ITM2B: variants seen among roughly 807,000 people sequenced by gnomAD.
The protein encoded by ITM2B is ABri/ADan amyloid peptide.
A neutral mutation model predicts 27.8 loss-of-function variants in ITM2B; 11 were observed. The observed-to-expected ratio is 0.40, with a 90% CI of 0.25 to 0.66. The LOEUF (loss-of-function observed/expected upper bound fraction) is 0.66, where lower values mean the gene tolerates loss of function less well. ITM2B is among the 30% of genes least tolerant of loss of function. ITM2B has a pLI of 0.43. For missense variants in ITM2B, 296 were observed against 328.9 expected (o/e 0.90, Z 0.77); for synonymous variants, 114 against 114.3 (o/e 1.00, Z 0.02).
rs992716865 is a variant in ITM2B, at chr13:48,233,227, G to A, written c.-134G>A. 2.6e-5 allele frequency: 13 copies of A among 502,282 alleles called. No individual in the cohort carries two copies. The highest frequency in any genetic ancestry group is 4.2e-5 in the Non-Finnish European group (12 of 289,050). 31.1% of individuals were successfully genotyped at this position (502,282 alleles called of 1,614,324 possible). A position where few individuals can be genotyped will look rare whatever the true frequency, so the allele number is the denominator to read the frequency against. ...CCGCAGTAGCCGCCTCTGCCGCCGC[G>A]GAGCTTCCCGAACCTCTTCAGCCGC... is the stretch of plus-strand genomic sequence containing the variant. On this transcript the variant is annotated 5_prime_UTR_variant, in exon 1 of 6. Transcript: ENST00000647800.
In ITM2B at chr13:48,263,135, T is replaced by C. The variant is rs552937598; in HGVS notation, c.*1911T>C. 6.6e-6 allele frequency: 1 copy of C among 152,194 alleles called. No individual in the cohort carries two copies. Among genetic ancestry groups the C allele is most frequent in the African/African-American group, 2.4e-5 (1 of 41,444 alleles). 9.4% of individuals were successfully genotyped at this position (152,194 alleles called of 1,614,324 possible). Reference sequence around the variant, plus strand: ...TTACACTTTACTAAATGTAATTCTTTCATTTGAATTTTTAAAGGTTTTTGT... The same window carrying C: ...TTACACTTTACTAAATGTAATTCTTCCATTTGAATTTTTAAAGGTTTTTGT... On this transcript the variant is annotated 3_prime_UTR_variant, in exon 6 of 6. Coordinates refer to ENST00000647800, the MANE Select transcript of ITM2B (RefSeq NM_021999.5).
rs897204779 is a variant in ITM2B, at chr13:48,268,188, G to A, written c.*6964G>A. 7.2e-5 allele frequency: 11 copies of A among 152,106 alleles called. No individual in the cohort carries two copies. Among genetic ancestry groups the A allele is most frequent in the African/African-American group, 1.4e-4 (6 of 41,490 alleles). The allele number at this position is 152,106 out of a possible 1,614,324, so 9.4% of individuals were successfully genotyped here. On this transcript the variant is annotated 3_prime_UTR_variant, in exon 6 of 6. Transcript: ENST00000647800. Reference sequence around the variant, plus strand: ...TTTGGCTTTTAAAACTCAGTATAACGTTTTGACATTTGTCCATGTTGTTGC... The same window carrying A: ...TTTGGCTTTTAAAACTCAGTATAACATTTTGACATTTGTCCATGTTGTTGC...
chr13:48,262,857 G>T lies in ITM2B; in HGVS notation c.*1633G>T, dbSNP rs1016621475. 1.3e-5 allele frequency: 2 copies of T among 152,152 alleles called. No individual in the cohort carries two copies. The highest frequency in any genetic ancestry group is 2.9e-5 in the Non-Finnish European group (2 of 68,030). The allele number at this position is 152,152 out of a possible 1,614,324, so 9.4% of individuals were successfully genotyped here. On this transcript the variant is annotated 3_prime_UTR_variant, in exon 6 of 6. Transcript: ENST00000647800. The stretch of plus-strand genomic sequence containing the variant: ...GACTTTCAGAATGTGAAGTGCATGG[G>T]ATTAGGTCATGGAAGAAGACCATGT...
Position 48,264,344 on chromosome 13 carries a change from A to G in ITM2B, c.*3120A>G, listed in dbSNP as rs1951840374. 1 of 152,204 alleles carries G rather than the reference A, an allele frequency of 6.6e-6. No homozygotes were observed. Among genetic ancestry groups the G allele is most frequent in the Non-Finnish European group, 1.5e-5 (1 of 68,032 alleles). 9.4% of individuals were successfully genotyped at this position (152,204 alleles called of 1,614,324 possible). On this transcript the variant is annotated 3_prime_UTR_variant, in exon 6 of 6. Transcript: ENST00000647800. ...CACCCATATTAGTGAGAAGCAAGAA[A>G]AAAAAATGTACACAGTGTCCTAAAT...
At chr13:48,235,551 A>G (rs1285577582) in intron 1 of ITM2B, among the ~76,000 whole-genome samples, 4 of 152,236 alleles carry the variant, frequency 2.6e-5, no homozygotes, top group Non-Finnish European at 5.9e-5. Flanking sequence ...ATAATCAGTC[A>G]GTCGCTTAAC....
chr13:48,234,738 T>C (rs1336409180), intron 1 of ITM2B, among the ~76,000 whole-genome samples: 1 of 152,224 alleles, frequency 6.6e-6, no homozygotes, highest in Non-Finnish European at 1.5e-5. Context: ...CAGAGGTTGA[T>C]TTCTAAATGA....
Position 48,270,106 on chromosome 13 carries a change from A to G in ITM2B, c.*8882A>G, listed in dbSNP as rs1951876219. 1 of 152,178 alleles carries G rather than the reference A, an allele frequency of 6.6e-6. No individual in the cohort carries two copies. Among genetic ancestry groups the G allele is most frequent in the African/African-American group, 2.4e-5 (1 of 41,424 alleles). The allele number at this position is 152,178 out of a possible 1,614,324, so 9.4% of individuals were successfully genotyped here. ...CTGCTTCCCTTCCTTTAACCCTATC[A>G]TATTGCTGCCCAGTGAGCAATATGG... is the stretch of plus-strand genomic sequence containing the variant. On this transcript the variant is annotated 3_prime_UTR_variant, in exon 6 of 6. Transcript: ENST00000647800.
At position 48,261,417 on chromosome 13, in the gene ITM2B, T is replaced by G. The variant is rs1951822269; in HGVS notation, c.*193T>G. ...TTTTCTTTCGAAGTGTGGTGTCTTT[T>G]ATATTTGAATTAGTAACTGTATGAA... On this transcript the variant is annotated 3_prime_UTR_variant, in exon 6 of 6. Coordinates refer to ENST00000647800, the MANE Select transcript of ITM2B (RefSeq NM_021999.5). 1.9e-6 allele frequency: 1 copy of G among 517,742 alleles called. No individual in the cohort carries two copies. Among genetic ancestry groups the G allele is most frequent in the South Asian group, 2.6e-5 (1 of 38,360 alleles). 32.1% of individuals were successfully genotyped at this position (517,742 alleles called of 1,614,324 possible).
chr13:48,257,456 A>G (rs1231044054), intron 3 of ITM2B, among the ~76,000 whole-genome samples: 1 of 152,200 alleles, frequency 6.6e-6, no homozygotes, highest in African/African-American at 2.4e-5. Flanking sequence ...ACTCGAATAT[A>G]TTACTGAAGT....
In ITM2B at chr13:48,265,264, A is replaced by G. The variant is rs1320130530; in HGVS notation, c.*4040A>G. 2 of 152,190 alleles carry G rather than the reference A, an allele frequency of 1.3e-5. No individual in the cohort carries two copies. Among genetic ancestry groups the G allele is most frequent in the Non-Finnish European group, 2.9e-5 (2 of 68,034 alleles). 9.4% of individuals were successfully genotyped at this position (152,190 alleles called of 1,614,324 possible). On this transcript the variant is annotated 3_prime_UTR_variant, in exon 6 of 6. Coordinates refer to ENST00000647800, the MANE Select transcript of ITM2B (RefSeq NM_021999.5). ...CCCCAACAGTTTAACGTGCGATACA[A>G]TAATGTGTGACACAAAATGACCTAG...
intron 3 of ITM2B, among the ~76,000 whole-genome samples, chr13:48,257,624 T>C (rs1413993778): frequency 6.6e-6 from 1 of 152,202 alleles, no homozygotes; most frequent in Non-Finnish European, 1.5e-5. Context: ...ATGTTGACAT[T>C]ATTTGATTTA....
chr13:48,250,023 C>T (rs1172695448), intron 1 of ITM2B, among the ~76,000 whole-genome samples: 18 of 152,128 alleles, frequency 1.2e-4, no homozygotes, highest in African/African-American at 4.8e-5. Flanking sequence ...CTCCATGACT[C>T]GGATTGTATT....
intron 1 of ITM2B, among the ~76,000 whole-genome samples, chr13:48,249,038 A>G (rs907332283): frequency 6.6e-6 from 1 of 152,182 alleles, no homozygotes; most frequent in African/African-American, 2.4e-5. Context: ...AAACTCCTGC[A>G]TTTTATGTGT....
At chr13:48,243,567 G>A (rs1229924114) in intron 1 of ITM2B, among the ~76,000 whole-genome samples, 2 of 152,094 alleles carry the variant, frequency 1.3e-5, no homozygotes, top group South Asian at 2.1e-4. Context: ...GGTGGCTCAC[G>A]TCTATAATTC....
chr13:48,252,320 A>G (rs9332268), intron 1 of ITM2B, among the ~76,000 whole-genome samples: 6 of 152,178 alleles, frequency 3.9e-5, no homozygotes, highest in African/African-American at 7.2e-5. Flanking sequence ...GGGGTCCCCA[A>G]CCGCCAGGCC....
At chr13:48,253,333 A>T (rs1481049150) in intron 1 of ITM2B, among the ~76,000 whole-genome samples, 2 of 152,068 alleles carry the variant, frequency 1.3e-5, no homozygotes, top group African/African-American at 4.8e-5. Context: ...GAATAGTTTT[A>T]TACCTGGTAT....
In ITM2B at chr13:48,261,956, A is replaced by G. The variant is rs1489175931; in HGVS notation, c.*732A>G. The G allele has an allele frequency of 6.6e-6, 1 of 152,516 alleles. No homozygotes were observed. The highest frequency in any genetic ancestry group is 1.5e-5 in the Non-Finnish European group (1 of 67,998). The allele number at this position is 152,516 out of a possible 1,614,324, so 9.4% of individuals were successfully genotyped here. A position where few individuals can be genotyped will look rare whatever the true frequency, so the allele number is the denominator to read the frequency against. The stretch of plus-strand genomic sequence containing the variant: ...CTTAAGAGAATCCACATAAAAGAAG[A>G]AACTATTTTTTAAAAATTCACTTCT... On this transcript the variant is annotated 3_prime_UTR_variant, in exon 6 of 6. Coordinates refer to ENST00000647800, the MANE Select transcript of ITM2B (RefSeq NM_021999.5).
intron 1 of ITM2B, among the ~76,000 whole-genome samples, chr13:48,247,275 G>A (rs931207411): frequency 3.3e-5 from 5 of 152,060 alleles, no homozygotes; most frequent in African/African-American, 7.2e-5. Flanking sequence ...TACCCAGCAT[G>A]TTTCTGAGTA....
intron 5 of ITM2B, 47 bp downstream of exon 5, chr13:48,258,994 A>G (rs1347853308): frequency 7.0e-7 from 1 of 1,435,554 alleles, no homozygotes; most frequent in East Asian, 2.3e-5. Context: ...AGTTCATTGC[A>G]TTAAACTAGA....
Sources: allele counts gnomAD v4.1 joint callset (sites outside exome capture counted in the v4.1 genomes callset), GRCh38; gene constraint gnomAD v4.1.1; transcripts MANE v1.5; gene names NCBI Gene and HGNC (gene_info 2026-07-23, HGNC 2026-07-21).